EVI5: variants seen among roughly 807,000 people sequenced by gnomAD.
The protein encoded by EVI5 is ecotropic viral integration site 5, also known as ecotropic viral integration site 5 protein homolog.
In EVI5, 73 loss-of-function variants were observed where a neutral mutation model predicts 112.0. That is an observed-to-expected ratio of 0.65 (90% CI 0.54 to 0.79). The LOEUF (loss-of-function observed/expected upper bound fraction) is 0.79, where lower values mean the gene tolerates loss of function less well. Ranked by LOEUF, EVI5 falls within the 30% of genes least tolerant of loss-of-function variation. The pLI is 0.00. For missense variants in EVI5, 900 were observed against 968.8 expected (o/e 0.93, Z 0.94); for synonymous variants, 305 against 319.9 (o/e 0.95, Z 0.50).
chr1:92,548,562 G>A (rs979330935), intron 19 of EVI5, among the ~76,000 whole-genome samples: 1 of 150,160 alleles, frequency 6.7e-6, no homozygotes, highest in Non-Finnish European at 1.5e-5. Context: ...AATTGTCCCT[G>A]TTTGCAGATG....
At chr1:92,752,903 TA>T (rs749670988) in intron 1 of EVI5, among the ~76,000 whole-genome samples, 2 of 152,156 alleles carry the variant, frequency 1.3e-5, no homozygotes, top group African/African-American at 2.4e-5. Flanking sequence ...TATTGGGTGC[TA>T]AAAGTGTCGT....
At chr1:92,771,757 G>A (rs1469504104) in intron 1 of EVI5, among the ~76,000 whole-genome samples, 1 of 151,246 alleles carries the variant, frequency 6.6e-6, no homozygotes, top group Non-Finnish European at 1.5e-5. Flanking sequence ...ACAGACATGT[G>A]CCACCACGCC....
chr1:92,582,596 T>C (rs1398732696), intron 18 of EVI5, among the ~76,000 whole-genome samples: 1 of 152,086 alleles, frequency 6.6e-6, no homozygotes, highest in African/African-American at 2.4e-5. Flanking sequence ...TTGCTAGAAC[T>C]AACTGGTGAA....
At chr1:92,766,614 T>C (rs11164806) in intron 1 of EVI5, among the ~76,000 whole-genome samples, 139,889 of 152,180 alleles carry the variant, frequency 0.92, 64,374 homozygotes, top group East Asian at 0.97. Flanking sequence ...GTAAATAGTG[T>C]CTAGATCATA....
At chr1:92,779,489 T>C (rs1400996002) in intron 1 of EVI5, among the ~76,000 whole-genome samples, 1 of 151,638 alleles carries the variant, frequency 6.6e-6, no homozygotes, top group African/African-American at 2.4e-5. Context: ...GCCACTGCAC[T>C]CTAGCCTGGG....
intron 5 of EVI5, among the ~76,000 whole-genome samples, chr1:92,699,987 T>A (rs1204736001): frequency 1.3e-5 from 2 of 152,118 alleles, no homozygotes; most frequent in African/African-American, 2.4e-5. Flanking sequence ...GGCAACATTT[T>A]AAAAAATAAG....
intron 16 of EVI5, among the ~76,000 whole-genome samples, chr1:92,613,064 C>T (rs1428562521): frequency 1.3e-5 from 2 of 152,124 alleles, no homozygotes; most frequent in East Asian, 1.9e-4. Context: ...TATAGGAAGG[C>T]GCTAAACCTT....
intron 19 of EVI5, among the ~76,000 whole-genome samples, chr1:92,556,069 T>C (rs1430406134): frequency 6.0e-5 from 9 of 151,220 alleles, no homozygotes; most frequent in Non-Finnish European, 7.4e-5. Context: ...TTCTTTCTTT[T>C]TTTTTTTTTT....
At chr1:92,573,392 C>T (rs1670596078) in intron 18 of EVI5, among the ~76,000 whole-genome samples, 1 of 151,984 alleles carries the variant, frequency 6.6e-6, no homozygotes, top group African/African-American at 2.4e-5. Flanking sequence ...TATGTATATG[C>T]TAATAATAAA....
chr1:92,541,452 A>G (rs1393355133), intron 19 of EVI5, among the ~76,000 whole-genome samples: 1 of 152,210 alleles, frequency 6.6e-6, no homozygotes, highest in Non-Finnish European at 1.5e-5. Context: ...CTTAATCGAA[A>G]AAATAAATAA....
At chr1:92,706,938 T>G (rs1305087119) in intron 2 of EVI5, among the ~76,000 whole-genome samples, 9 of 151,886 alleles carry the variant, frequency 5.9e-5, no homozygotes. Context: ...TCCCAGCACT[T>G]TGGGAGGCCG....
At chr1:92,731,592 AT>A (rs1031526333) in intron 2 of EVI5, among the ~76,000 whole-genome samples, 4 of 152,222 alleles carry the variant, frequency 2.6e-5, no homozygotes, top group Non-Finnish European at 5.9e-5. Context: ...AGGACCAAAA[AT>A]AGGCCAAAAA....
At chr1:92,524,182 G>A (rs1216482207) in intron 19 of EVI5, among the ~76,000 whole-genome samples, 1 of 149,356 alleles carries the variant, frequency 6.7e-6, no homozygotes, top group African/African-American at 2.5e-5. Flanking sequence ...CCCTACTCTT[G>A]AACATATGAA....
chr1:92,599,596 C>A (rs930825622), intron 18 of EVI5, among the ~76,000 whole-genome samples: 2 of 152,028 alleles, frequency 1.3e-5, no homozygotes, highest in Non-Finnish European at 2.9e-5. Flanking sequence ...ACTGAAAACT[C>A]ATTTACTAAG....
intron 1 of EVI5, among the ~76,000 whole-genome samples, chr1:92,764,031 A>C (rs985403084): frequency 2.0e-5 from 3 of 152,242 alleles, no homozygotes; most frequent in Non-Finnish European, 4.4e-5. Context: ...AGTTTAAAAA[A>C]AAATCTAAAT....
At chr1:92,585,022 G>A (rs1220757123) in intron 18 of EVI5, among the ~76,000 whole-genome samples, 5 of 152,160 alleles carry the variant, frequency 3.3e-5, no homozygotes, top group South Asian at 4.2e-4. Flanking sequence ...TCAGGTGTTC[G>A]AGACCAGTTT....
At chr1:92,586,909 G>T (rs1672895826) in intron 18 of EVI5, among the ~76,000 whole-genome samples, 1 of 151,802 alleles carries the variant, frequency 6.6e-6, no homozygotes, top group Non-Finnish European at 1.5e-5. Context: ...ACCAAAATCT[G>T]GGCACTAAGT....
rs7514716 is a variant in EVI5 at position 92,624,266 on chromosome 1, T to G, written c.1737A>C (p.Gln579His). ...TAAGTCGAATGGTCATCAGTTCATC[T>G]TGTAACTCATTCATAGCATTTTTCT... ...PPKKNAMNEL[Q>H]DELMTIRLRE... is the part of the protein sequence containing the mutation. Residue 579 changes from glutamine (Q) to histidine (H), a missense_variant, in exon 16 of 20, where the codon CAA (glutamine) becomes CAC (histidine). Transcript: ENST00000684568. 1 of 1,612,946 alleles carries G rather than the reference T, an allele frequency of 6.2e-7. No individual in the cohort carries two copies. Among genetic ancestry groups the G allele is most frequent in the African/African-American group, 1.3e-5 (1 of 74,962 alleles).
intron 9 of EVI5, among the ~76,000 whole-genome samples, chr1:92,691,035 G>A (rs996926719): frequency 6.6e-6 from 1 of 152,064 alleles, no homozygotes; most frequent in Admixed American, 6.5e-5. Flanking sequence ...GGATATTCTC[G>A]GTATAACTGA....
Sources: gnomAD v4.1 joint callset for allele counts (sites outside exome capture counted in the v4.1 genomes callset) on GRCh38, gnomAD v4.1.1 for gene constraint, MANE v1.5 for transcripts, NCBI Gene and HGNC (gene_info 2026-07-23, HGNC 2026-07-21) for gene names.